Variants in SAE1 observed in about 807,000 individuals in gnomAD.
SAE1 encodes the protein SUMO-activating enzyme subunit 1.
A neutral mutation model predicts 40.6 loss-of-function variants in SAE1; 11 were observed. The observed-to-expected ratio is 0.27, with a 90% confidence interval of 0.17 to 0.45. The LOEUF (loss-of-function observed/expected upper bound fraction) is 0.45, where lower values mean the gene tolerates loss of function less well. Among genes scored for constraint, SAE1 ranks in the 20% least tolerant of loss-of-function variants. The pLI is 1.00. For synonymous variants in SAE1, 155 were observed against 154.3 expected, an observed-to-expected ratio of 1.00 and a Z score of -0.03; for missense variants, 373 against 427.3, an observed-to-expected ratio of 0.87 and a Z score of 1.12.
At chr19:47,152,322 G>A (rs2058292993) in intron 3 of SAE1, among the ~76,000 whole-genome samples, 1 of 152,174 alleles carries the variant, frequency 6.6e-6, no homozygotes, top group South Asian at 2.1e-4. Flanking sequence ...AAGCCTGAAT[G>A]GAAGGTCACT....
intron 6 of SAE1, among the ~76,000 whole-genome samples, chr19:47,188,564 G>A (rs2058558691): frequency 6.6e-6 from 1 of 152,150 alleles, no homozygotes; most frequent in South Asian, 2.1e-4. Context: ...GTGTGAGCTG[G>A]GTTTCTGGAC....
intron 5 of SAE1, among the ~76,000 whole-genome samples, chr19:47,163,856 G>A (rs921933337): frequency 2.0e-5 from 3 of 152,022 alleles, no homozygotes; most frequent in Non-Finnish European, 2.9e-5. Context: ...CGTGATCTCC[G>A]TCTCCCAGGT....
chr19:47,201,360 CTTTTTTTTT>C (rs57568797), intron 7 of SAE1, among the ~76,000 whole-genome samples: 14,972 of 65,974 alleles, frequency 0.23, 1,182 homozygotes, highest in East Asian at 0.42. Context: ...TATCTGGTTC[CTTTTTTTTT>C]TTTTTTTTTT....
intron 6 of SAE1, among the ~76,000 whole-genome samples, chr19:47,179,079 C>G (rs955477123): frequency 2.0e-5 from 3 of 151,032 alleles, no homozygotes; most frequent in African/African-American, 7.3e-5. Flanking sequence ...GTAGTCTCAG[C>G]TACTTGGGAG....
chr19:47,136,487 C>T (rs1304353334), intron 1 of SAE1, among the ~76,000 whole-genome samples: 4 of 136,762 alleles, frequency 2.9e-5, no homozygotes, highest in African/African-American at 1.1e-4. Context: ...TGCATTTTTA[C>T]CCGAGTCTTT....
chr19:47,172,884 T>C (rs2123259501), intron 6 of SAE1, among the ~76,000 whole-genome samples: 1 of 152,206 alleles, frequency 6.6e-6, no homozygotes, highest in East Asian at 1.9e-4. Flanking sequence ...ACAAAGGCCC[T>C]CAGGCAAGTG....
chr19:47,191,976 C>T (rs1163019733), intron 6 of SAE1, among the ~76,000 whole-genome samples: 2 of 151,484 alleles, frequency 1.3e-5, no homozygotes, highest in Non-Finnish European at 2.9e-5. Context: ...ATGGCGTGAA[C>T]CCGGGAGGCG....
At chr19:47,145,688 C>G (rs937198536) in intron 2 of SAE1, among the ~76,000 whole-genome samples, 1 of 152,214 alleles carries the variant, frequency 6.6e-6, no homozygotes, top group Non-Finnish European at 1.5e-5. Context: ...TCAAGCACTT[C>G]TCCTGCCTCA....
intron 6 of SAE1, among the ~76,000 whole-genome samples, chr19:47,191,299 GAC>G (rs1292139872): frequency 6.6e-6 from 1 of 151,836 alleles, no homozygotes; most frequent in Non-Finnish European, 1.5e-5. Flanking sequence ...CAGCCTGGGT[GAC>G]AGAGTGAGAC....
Position 47,197,394 on chromosome 19 carries a change from A to AT in SAE1, c.878+18dup. The AT allele has an allele frequency of 1.2e-6, 2 of 1,609,260 alleles. No homozygotes were observed. The highest frequency in any genetic ancestry group is 1.7e-6 in the Non-Finnish European group (2 of 1,177,908). On this transcript the variant is annotated intron_variant, in intron 7 of 8. Transcript: ENST00000270225. ...CTTTGTCAGGTTGGTGTCAGTATTT[A>AT]TCACTGTTTAGTCTGGACAGATAAA...
At chr19:47,198,670 G>T (rs889330415) in intron 7 of SAE1, among the ~76,000 whole-genome samples, 1 of 152,184 alleles carries the variant, frequency 6.6e-6, no homozygotes. Context: ...AGTAAGGTCT[G>T]CCAGAGTCCC....
chr19:47,170,215 T>C (rs1191374265), intron 6 of SAE1, among the ~76,000 whole-genome samples: 1 of 152,134 alleles, frequency 6.6e-6, no homozygotes, highest in African/African-American at 2.4e-5. Flanking sequence ...TCTTTTTTTT[T>C]CTTTTTTCTT....
chr19:47,153,061 G>A (rs1482922226), intron 4 of SAE1, 21 bp downstream of exon 4: 1 of 1,566,830 alleles, frequency 6.4e-7, no homozygotes, highest in Non-Finnish European at 8.6e-7. Flanking sequence ...GGAGAGGAGG[G>A]GAGAACATAA....
intron 1 of SAE1, among the ~76,000 whole-genome samples, chr19:47,138,034 G>A (rs2058193153): frequency 6.7e-6 from 1 of 149,872 alleles, no homozygotes; most frequent in Non-Finnish European, 1.5e-5. Context: ...CGGCCTATGT[G>A]TGTGTATTTT....
intron 8 of SAE1, among the ~76,000 whole-genome samples, chr19:47,205,003 G>A (rs572482929): frequency 1.3e-5 from 2 of 152,260 alleles, no homozygotes; most frequent in East Asian, 3.9e-4. Context: ...GGGTCTTCTG[G>A]AACATTTGGG....
chr19:47,163,260 A>G (rs2058370064), intron 5 of SAE1, among the ~76,000 whole-genome samples: 1 of 151,934 alleles, frequency 6.6e-6, no homozygotes, highest in Non-Finnish European at 1.5e-5. Context: ...CCAAAAAAAA[A>G]AAAAGAAAAT....
chr19:47,165,247 GTCCGGCTAATTTTTATA>G (rs1226636602), intron 5 of SAE1, among the ~76,000 whole-genome samples: 30 of 151,226 alleles, frequency 2.0e-4, no homozygotes, highest in African/African-American at 7.3e-4. Flanking sequence ...ATGCCACCAT[GTCCGGCTAATTTTTATA>G]TTTTTAGTGG....
intron 4 of SAE1, among the ~76,000 whole-genome samples, chr19:47,154,316 C>T (rs560852912): frequency 6.6e-6 from 1 of 151,432 alleles, no homozygotes; most frequent in Admixed American, 6.6e-5. Flanking sequence ...GTCTTGAACT[C>T]CTGACCTCAG....
In SAE1 at chr19:47,187,093, TG is replaced by T. The variant is rs2058549145; in HGVS notation, c.734-10137del. 2.0e-5 allele frequency among the ~76,000 whole-genome samples: 3 copies of T among 152,318 alleles called. No homozygotes were observed. In the South Asian group the frequency reaches 6.2e-4, roughly 32 times the overall value. On this transcript the variant is annotated intron_variant, in intron 6 of 8. Coordinates refer to ENST00000270225, the MANE Select transcript of SAE1 (RefSeq NM_005500.3). ...ATGCACACACATACTTTTAAGTTTC[TG>T]GGTTAAAGAGGAAAACAGAATGAGG...
Sources: allele counts gnomAD v4.1 joint callset (sites outside exome capture counted in the v4.1 genomes callset), GRCh38; gene constraint gnomAD v4.1.1; transcripts MANE v1.5; gene names NCBI Gene and HGNC (gene_info 2026-07-23, HGNC 2026-07-21).